The following TASOR2 variants were observed in gnomAD, a reference collection of about 807,000 sequenced individuals.
TASOR2 encodes transcription activation suppressor family member 2, also known as protein TASOR 2.
A neutral mutation model predicts 199.5 loss-of-function variants in TASOR2; 84 were observed. That is an observed-to-expected ratio of 0.42 (90% CI 0.35 to 0.50). The LOEUF (loss-of-function observed/expected upper bound fraction) is 0.50, where lower values mean the gene tolerates loss of function less well. TASOR2 is among the 20% of genes least tolerant of loss of function. The probability of loss-of-function intolerance (pLI) is 0.02; values close to 1 mark genes in which losing one functional copy is unlikely to be tolerated. For missense variants in TASOR2, 2,796 were observed against 2,835.9 expected (o/e 0.99, Z 0.32); for synonymous variants, 1,103 against 1,046.6 (o/e 1.05, Z -1.04).
At chr10:5,724,387 A>G in intron 7 of TASOR2, 43 bp from the exon 9 acceptor site, 1 of 944,170 alleles carries the variant, frequency 1.1e-6, no homozygotes, top group Non-Finnish European at 1.6e-6. Flanking sequence ...AGTACATAAT[A>G]GCGTATTAAA....
At position 5,685,848 on chromosome 10, in the gene TASOR2, T is replaced by G. The variant is rs547889891; in HGVS notation, c.-288+673T>G. Among the ~76,000 whole-genome samples, 7 of 152,222 alleles carry G rather than the reference T, an allele frequency of 4.6e-5. No homozygotes were observed. In the South Asian group the frequency reaches 1.4e-3, roughly 31 times the overall value. On this transcript the variant is annotated intron_variant, in intron 1 of 20. Coordinates refer to ENST00000328090, the Ensembl canonical transcript of TASOR2. The surrounding 1 kb of genome is among the most constrained non-coding windows in gnomAD (Gnocchi z 5.4). Reference sequence around the variant, plus strand: ...ATCTGTAACTTTAAACAAACCACGCTTACTCTTCCTTATTCTCCCTGTAAG... The same window carrying G: ...ATCTGTAACTTTAAACAAACCACGCGTACTCTTCCTTATTCTCCCTGTAAG...
rs768461929 is a variant in TASOR2, at chr10:5,749,977, C to G, written c.6556C>G (p.Leu2186Val). 1.9e-5 allele frequency: 30 copies of G among 1,612,862 alleles called. 1 individual carries two copies. The Admixed American group carries it at 4.8e-4, about 26-fold the overall frequency. ...GAAAGAGGCTTGTAAAAGTACCTTC[C>G]TGTTCTACCTTGTCGAAACAGAAGA... Residue 2186 changes from leucine to valine, a missense_variant, in exon 15 of 21, where the codon CTG becomes GTG. Leu to Val is a conservative substitution (Grantham distance 32, BLOSUM62 1). Around this residue, in one of 3 missense-constraint regions of TASOR2, gnomAD observed 1,941 missense variants for 1,924.9 expected, o/e 1.01. Coordinates refer to ENST00000328090, the Ensembl canonical transcript of TASOR2.
At chr10:5,714,505 G>T (rs1832352003) in intron 2 of TASOR2, 1 of 234,464 alleles carries the variant, frequency 4.3e-6, no homozygotes, top group Non-Finnish European at 8.1e-6. Flanking sequence ...AATGTGAGGG[G>T]TAAGAGAGGA....
At chr10:5,729,129 A>C (rs879600338) in intron 10 of TASOR2, among the ~76,000 whole-genome samples, 3 of 152,120 alleles carry the variant, frequency 2.0e-5, no homozygotes, top group Admixed American at 2.0e-4. Context: ...CGGGCGGATC[A>C]CTTGAGGCCA....
intron 16 of TASOR2, 143 bp downstream of exon 17, chr10:5,756,881 A>G: frequency 1.3e-6 from 1 of 772,794 alleles, no homozygotes; most frequent in Non-Finnish European, 1.9e-6. Context: ...ATGGTGTATT[A>G]TAGAATACTG....
In TASOR2 at chr10:5,752,827, G is replaced by A. The variant is rs756777355; in HGVS notation, c.6606+2800G>A. Among the ~76,000 whole-genome samples the A allele has an allele frequency of 3.9e-5, 6 of 152,206 alleles. No homozygotes were observed. The highest frequency in any genetic ancestry group is 9.6e-5 in the African/African-American group (4 of 41,458). On this transcript the variant is annotated intron_variant, in intron 15 of 20. Coordinates refer to ENST00000328090, the Ensembl canonical transcript of TASOR2. This position sits in a 1 kb window ranked among gnomAD's most constrained non-coding sequence, Gnocchi z 4.4. ...GAGTGAGTGAGCCATGTCAGCCAGA[G>A]GCTCAGGCTGGGCTGTGGGAGAGAA...
intron 18 of TASOR2, 117 bp downstream of exon 19, chr10:5,759,109 C>CAT (rs1839404949): frequency 1.5e-6 from 1 of 687,008 alleles, no homozygotes; most frequent in Non-Finnish European, 2.5e-6. Context: ...CAGTAAAGAG[C>CAT]ATGAGGGCTG....
At chr10:5,721,618 A>G (rs1833368742) in intron 6 of TASOR2, among the ~76,000 whole-genome samples, 1 of 152,180 alleles carries the variant, frequency 6.6e-6, no homozygotes, top group African/African-American at 2.4e-5. Flanking sequence ...GAATAAGCAA[A>G]TAGAGAAGGG....
intron 1 of TASOR2, among the ~76,000 whole-genome samples, chr10:5,691,531 T>C (rs1836428026): frequency 6.6e-6 from 1 of 152,248 alleles, no homozygotes; most frequent in Non-Finnish European, 1.5e-5. Flanking sequence ...CCTTAGTGAA[T>C]TTTTTATTTT....
rs778503893 is a variant in TASOR2, at chr10:5,740,265, C to A, written c.2095C>A (p.Arg699=). ...CCCAGTGGGGAAAGTCATGCCATTT[C>A]GGCATCAGCCCGGCCTTTTGCTTCA... The change falls in exon 13 of 21, where the codon CGG becomes AGG. Residue 699 remains arginine (R), a synonymous_variant. Transcript: ENST00000328090. This position sits in a 1 kb window ranked among gnomAD's most constrained non-coding sequence, Gnocchi z 5.3. 6.2e-7 allele frequency: 1 copy of A among 1,614,182 alleles called. No individual in the cohort carries two copies.
At chr10:5,753,142 T>C (rs768796561) in intron 15 of TASOR2, among the ~76,000 whole-genome samples, 7 of 152,168 alleles carry the variant, frequency 4.6e-5, no homozygotes, top group African/African-American at 7.2e-5. Flanking sequence ...TAGGACGATA[T>C]CTTAGCGGAT....
rs951121499 is a variant in TASOR2 at position 5,685,814 on chromosome 10, C to T, written c.-288+639C>T. 6.6e-6 allele frequency among the ~76,000 whole-genome samples: 1 copy of T among 152,208 alleles called. No homozygotes were observed. The highest frequency in any genetic ancestry group is 1.5e-5 in the Non-Finnish European group (1 of 68,030). On this transcript the variant is annotated intron_variant, in intron 1 of 20. Coordinates refer to ENST00000328090, the Ensembl canonical transcript of TASOR2. This position sits in a 1 kb window ranked among gnomAD's most constrained non-coding sequence, Gnocchi z 5.4. Reference sequence around the variant, plus strand: ...CAAGTTTCTCTTAGTCGCTTCTTGTCTATTTGAAATCTGTAACTTTAAACA... The same window carrying T: ...CAAGTTTCTCTTAGTCGCTTCTTGTTTATTTGAAATCTGTAACTTTAAACA...
chr10:5,702,406 G>C (rs1355341838), intron 1 of TASOR2, among the ~76,000 whole-genome samples: 2 of 152,074 alleles, frequency 1.3e-5, no homozygotes, highest in South Asian at 4.2e-4. Context: ...TTGGCCTGTA[G>C]TTTTCTCTTC....
At position 5,690,315 on chromosome 10, in the gene TASOR2, G is replaced by A. The variant is rs535789927; in HGVS notation, c.-288+5140G>A. On this transcript the variant is annotated intron_variant, in intron 1 of 20. Coordinates refer to ENST00000328090, the Ensembl canonical transcript of TASOR2. The surrounding 1 kb of genome is among the most constrained non-coding windows in gnomAD (Gnocchi z 4.8). ...AGTAAGATTTTAATTACATTTAATC[G>A]GAGAACTAAATCCCTTGCTAATATT... Among the ~76,000 whole-genome samples the A allele has an allele frequency of 2.0e-5, 3 of 152,048 alleles. No individual in the cohort carries two copies. Among genetic ancestry groups the A allele is most frequent in the East Asian group, 3.9e-4 (2 of 5,190 alleles).
intron 15 of TASOR2, among the ~76,000 whole-genome samples, chr10:5,755,355 T>C (rs1392147389): frequency 3.3e-5 from 5 of 151,944 alleles, no homozygotes; most frequent in Non-Finnish European, 7.4e-5. Flanking sequence ...GGCGGATCGC[T>C]TGAAGTCAGG....
At position 5,740,186 on chromosome 10, in the gene TASOR2, G is replaced by A; in HGVS notation, c.2016G>A (p.Glu672=). Reference sequence around the variant, plus strand: ...CAAAGAAACATCTACAGGAGAGAGAGATACTAAGCCCTCTGTTTCCCAGGA... The same window carrying A: ...CAAAGAAACATCTACAGGAGAGAGAAATACTAAGCCCTCTGTTTCCCAGGA... Residue 672 remains glutamate, a synonymous_variant, in exon 13 of 21, where the codon GAG becomes GAA. Coordinates refer to ENST00000328090, the Ensembl canonical transcript of TASOR2. The surrounding 1 kb of genome is among the most constrained non-coding windows in gnomAD (Gnocchi z 5.3). The A allele has an allele frequency of 6.2e-7, 1 of 1,614,212 alleles. No individual in the cohort carries two copies. The highest frequency in any genetic ancestry group is 8.5e-7 in the Non-Finnish European group (1 of 1,180,042).
At chr10:5,763,064 G>A (rs1209847528) in exon 21 of TASOR2, 4 of 1,607,470 alleles carry the variant, frequency 2.5e-6, no homozygotes, top group Non-Finnish European at 3.4e-6. Flanking sequence ...TATGGATGAT[G>A]CCAATAAAAA....
intron 1 of TASOR2, chr10:5,712,374 T>C: frequency 8.1e-7 from 1 of 1,231,152 alleles, no homozygotes; most frequent in Non-Finnish European, 1.0e-6. Context: ...AGCTGCGTTA[T>C]TTTTGTTTGT....
chr10:5,710,097 A>G lies in TASOR2; in HGVS notation c.-287-2726A>G, dbSNP rs1042007386. ...CAGTTATGAGACCATTCATTCATAA[A>G]GTGTTTGTATTGTTTGGTGCACTGA... On this transcript the variant is annotated intron_variant, in intron 1 of 20. Transcript: ENST00000328090. The surrounding 1 kb of genome is among the most constrained non-coding windows in gnomAD (Gnocchi z 4.6). 6.6e-6 allele frequency among the ~76,000 whole-genome samples: 1 copy of G among 152,140 alleles called. No homozygotes were observed. The highest frequency in any genetic ancestry group is 2.4e-5 in the African/African-American group (1 of 41,438).
Sources: gnomAD v4.1 joint callset for allele counts (sites outside exome capture counted in the v4.1 genomes callset) on GRCh38, gnomAD v4.1.1 for gene constraint, gnomAD v4.1.1 regional missense constraint, Gnocchi (gnomAD v3.1) non-coding constraint, MANE v1.5 for transcripts, NCBI Gene and HGNC (gene_info 2026-07-23, HGNC 2026-07-21) for gene names.